RPS6KC1: variants seen among roughly 807,000 people sequenced by gnomAD.
The protein encoded by RPS6KC1 is ribosomal protein S6 kinase C1.
A neutral mutation model predicts 103.8 loss-of-function variants in RPS6KC1; 54 were observed. The ratio of observed to expected loss-of-function variants is 0.52; its 90% CI spans 0.42 to 0.65. The LOEUF (loss-of-function observed/expected upper bound fraction) is 0.65, where lower values mean the gene tolerates loss of function less well. Ranked by LOEUF, RPS6KC1 falls within the 30% of genes least tolerant of loss-of-function variation. RPS6KC1 has a pLI of 0.00. For missense variants in RPS6KC1, 1,151 were observed against 1,253.8 expected (o/e 0.92, Z 1.24); for synonymous variants, 439 against 438.7 (o/e 1.00, Z -0.01).
At chr1:213,436,164 A>G in the RPS6KC1 span, among the ~76,000 whole-genome samples, 1 of 152,244 alleles carries the variant, frequency 6.6e-6, no homozygotes, top group African/African-American at 2.4e-5. Context: ...GGTTGAACGC[A>G]ACAGTCTTTG....
the RPS6KC1 span, among the ~76,000 whole-genome samples, chr1:213,562,746 C>T: frequency 6.6e-6 from 1 of 151,994 alleles, no homozygotes; most frequent in African/African-American, 2.4e-5. Flanking sequence ...TCATTGTAAT[C>T]CTGAACTCCT....
intron 8 of RPS6KC1, among the ~76,000 whole-genome samples, chr1:213,183,006 T>C (rs2092358533): frequency 6.6e-6 from 1 of 151,118 alleles, no homozygotes; most frequent in Non-Finnish European, 1.5e-5. Flanking sequence ...ATGCAAACAT[T>C]AAAGAAAACA....
At chr1:213,126,149 A>G (rs917334517) in intron 5 of RPS6KC1, among the ~76,000 whole-genome samples, 1 of 152,172 alleles carries the variant, frequency 6.6e-6, no homozygotes, top group African/African-American at 2.4e-5. Context: ...ATATATTGGC[A>G]TCATTTAAGG....
At chr1:213,460,605 T>C in the RPS6KC1 span, among the ~76,000 whole-genome samples, 7 of 152,048 alleles carry the variant, frequency 4.6e-5, no homozygotes, top group Non-Finnish European at 1.0e-4. Context: ...TTAATATTGT[T>C]ATGTGTGAAT....
At chr1:213,177,067 C>T (rs1453754084) in intron 8 of RPS6KC1, among the ~76,000 whole-genome samples, 1 of 152,070 alleles carries the variant, frequency 6.6e-6, no homozygotes, top group African/African-American at 2.4e-5. Context: ...AAAAGCTGTA[C>T]TTTTTCTAGT....
At chr1:213,104,875 C>T (rs576788435) in intron 4 of RPS6KC1, among the ~76,000 whole-genome samples, 8 of 151,422 alleles carry the variant, frequency 5.3e-5, no homozygotes, top group African/African-American at 1.9e-4. Flanking sequence ...GCCTCAGACT[C>T]CTGAGTGTTT....
At chr1:213,121,109 T>C in intron 5 of RPS6KC1, among the ~76,000 whole-genome samples, 1 of 152,136 alleles carries the variant, frequency 6.6e-6, no homozygotes, top group Admixed American at 6.6e-5. Context: ...TCTTTTTAAA[T>C]TTTTTGTAGA....
At chr1:213,549,645 A>C in the RPS6KC1 span, among the ~76,000 whole-genome samples, 3 of 101,692 alleles carry the variant, frequency 3.0e-5, no homozygotes, top group Admixed American at 1.4e-4. Flanking sequence ...TTTGGTAGTC[A>C]GGGCATGTTA....
chr1:213,855,614 T>C, the RPS6KC1 span, among the ~76,000 whole-genome samples: 1 of 152,160 alleles, frequency 6.6e-6, no homozygotes, highest in Non-Finnish European at 1.5e-5. Flanking sequence ...CAGGCTGAAA[T>C]CCCTCCTTTC....
chr1:213,170,039 C>T (rs969601048), intron 7 of RPS6KC1, among the ~76,000 whole-genome samples: 13 of 152,232 alleles, frequency 8.5e-5, no homozygotes, highest in African/African-American at 2.2e-4. Context: ...ACTTTTGCCT[C>T]GCAAAGTGCT....
At chr1:213,747,797 G>A in the RPS6KC1 span, among the ~76,000 whole-genome samples, 1 of 152,204 alleles carries the variant, frequency 6.6e-6, no homozygotes, top group East Asian at 1.9e-4. Flanking sequence ...TGTGTACTCT[G>A]CTGGTGTCAT....
At chr1:213,456,549 T>A in the RPS6KC1 span, among the ~76,000 whole-genome samples, 1 of 152,166 alleles carries the variant, frequency 6.6e-6, no homozygotes. Flanking sequence ...CCTACTCTTA[T>A]CTGCCACATG....
intron 3 of RPS6KC1, among the ~76,000 whole-genome samples, chr1:213,098,237 T>A (rs2081648919): frequency 6.6e-6 from 1 of 151,584 alleles, no homozygotes; most frequent in Non-Finnish European, 1.5e-5. Context: ...CTCCTCAGCC[T>A]CCTGAATATC....
chr1:213,556,333 C>T, the RPS6KC1 span, among the ~76,000 whole-genome samples: 1 of 152,010 alleles, frequency 6.6e-6, no homozygotes, highest in African/African-American at 2.4e-5. Context: ...CTTTTTTAAA[C>T]CTTTTAAAGA....
At chr1:213,126,463 G>T (rs1374947608) in intron 5 of RPS6KC1, among the ~76,000 whole-genome samples, 1 of 151,986 alleles carries the variant, frequency 6.6e-6, no homozygotes, top group Non-Finnish European at 1.5e-5. Flanking sequence ...GATATATATT[G>T]ACAGGGTGCC....
chr1:213,562,214 T>C, the RPS6KC1 span, among the ~76,000 whole-genome samples: 1 of 152,292 alleles, frequency 6.6e-6, no homozygotes, highest in African/African-American at 2.4e-5. Flanking sequence ...TTAATTTATT[T>C]GTATAATGGT....
the RPS6KC1 span, among the ~76,000 whole-genome samples, chr1:213,625,309 G>T: frequency 6.6e-6 from 1 of 152,080 alleles, no homozygotes; most frequent in African/African-American, 2.4e-5. Flanking sequence ...TAGAGACTTT[G>T]TACTATATTT....
the RPS6KC1 span, among the ~76,000 whole-genome samples, chr1:213,646,203 T>C: frequency 1.9e-4 from 29 of 152,268 alleles, no homozygotes; most frequent in African/African-American, 7.0e-4. Flanking sequence ...AGAGGTCTAT[T>C]TGGTTTTGAT....
At chr1:213,341,763 A>G in the RPS6KC1 span, among the ~76,000 whole-genome samples, 11 of 152,194 alleles carry the variant, frequency 7.2e-5, no homozygotes, top group Non-Finnish European at 1.0e-4. Flanking sequence ...CAGGGATGTT[A>G]AGTAACTTGT....
Sources: allele counts gnomAD v4.1 joint callset (sites outside exome capture counted in the v4.1 genomes callset), GRCh38; gene constraint gnomAD v4.1.1; transcripts MANE v1.5; gene names NCBI Gene and HGNC (gene_info 2026-07-23, HGNC 2026-07-21).